The following MIB1 variants were observed in gnomAD, a reference collection of about 807,000 sequenced individuals.
MIB1 encodes MIB E3 ubiquitin protein ligase 1.
Under a neutral mutation model 124.5 loss-of-function variants are expected in MIB1, and 278 were observed. The ratio of observed to expected loss-of-function variants is 2.23; its 90% CI spans 2.02 to 2.47. The LOEUF (loss-of-function observed/expected upper bound fraction) is 2.47, where lower values mean the gene tolerates loss of function less well. Ranked by LOEUF, MIB1 falls within the 30% of genes most tolerant of loss-of-function variation. The pLI is 0.00. For synonymous variants in MIB1, 446 were observed against 429.4 expected, an observed-to-expected ratio of 1.04 and a Z score of -0.48; for missense variants, 957 against 1,254.4, an observed-to-expected ratio of 0.76 and a Z score of 3.58.
At chr18:21,711,755 GTGATT>G (rs2040666598) in intron 1 of MIB1, among the ~76,000 whole-genome samples, 1 of 152,148 alleles carries the variant, frequency 6.6e-6, no homozygotes, top group Non-Finnish European at 1.5e-5. Context: ...ATGCCATGGT[GTGATT>G]ATGGCTTACT....
rs548144200 is a variant in MIB1, at chr18:21,860,795, CATGCTG to C, written c.2880+2151_2880+2156del. On this transcript the variant is annotated intron_variant, in intron 20 of 20. Coordinates refer to ENST00000261537, the MANE Select transcript of MIB1 (RefSeq NM_020774.4). The stretch of plus-strand genomic sequence containing the variant: ...TGTACCTGTAATCCCAGCTGCTCAG[CATGCTG>C]AGCTGGGAGAATTGCTTGAGCCCAG... Among the ~76,000 whole-genome samples the C allele has an allele frequency of 2.6e-3, 402 of 152,230 alleles. 2 individuals are homozygous for C. Among genetic ancestry groups the C allele is most frequent in the Non-Finnish European group, 3.6e-3 (247 of 68,010 alleles).
At chr18:21,745,622 T>G (rs2040902565) in intron 1 of MIB1, among the ~76,000 whole-genome samples, 1 of 152,050 alleles carries the variant, frequency 6.6e-6, no homozygotes. Flanking sequence ...CATTTAAGTA[T>G]TTTGGTAATG....
In MIB1 at chr18:21,724,726, AAATATATATATATATATATATAT is replaced by A. The variant is rs1280093217; in HGVS notation, n.167+19605_167+19627del. On this transcript the variant is annotated intron_variant and non_coding_transcript_variant, in intron 1 of 20. Coordinates refer to the MIB1 transcript ENST00000578646. ...TCTCCCCCATCCAAAAAAAAAAAAA[AAATATATATATATATATATATAT>A]ATATATATATATATATATATATATT... 2.6e-4 allele frequency among the ~76,000 whole-genome samples: 14 copies of A among 52,846 alleles called. 1 individual carries two copies. The highest frequency in any genetic ancestry group is 6.8e-4 in the African/African-American group (9 of 13,188). The allele number at this position is 52,846 out of a possible 152,430, so 34.7% of individuals were successfully genotyped here. A position where few individuals can be genotyped will look rare whatever the true frequency, so the allele number is the denominator to read the frequency against.
chr18:21,803,827 C>T (rs2041675713), intron 9 of MIB1, 80 bp from the exon 10 acceptor site: 1 of 1,042,892 alleles, frequency 9.6e-7, no homozygotes, highest in African/African-American at 1.6e-5. Context: ...GTATACTAGA[C>T]TTAAACCTAC....
chr18:21,796,403 C>T (rs371346480), intron 7 of MIB1, among the ~76,000 whole-genome samples: 4 of 149,238 alleles, frequency 2.7e-5, no homozygotes, highest in Admixed American at 1.3e-4. Context: ...GGGTGGGGGG[C>T]AAGGGGAGGG....
intron 7 of MIB1, among the ~76,000 whole-genome samples, chr18:21,792,351 T>C (rs1462185823): frequency 6.6e-6 from 1 of 152,078 alleles, no homozygotes; most frequent in African/African-American, 2.4e-5. Flanking sequence ...CTTAGTATCC[T>C]ATTACCCCCA....
At chr18:21,742,342 C>T (rs576502217) in intron 1 of MIB1, among the ~76,000 whole-genome samples, 18 of 147,954 alleles carry the variant, frequency 1.2e-4, no homozygotes, top group Middle Eastern at 3.5e-3. Context: ...CCAAATGTTA[C>T]TTGGGACTCT....
rs754140187 is a variant in MIB1, at chr18:21,838,416, G to A, written c.1881G>A (p.Glu627=). The A allele has an allele frequency of 8.1e-6, 13 of 1,610,040 alleles. No homozygotes were observed. The African/African-American group carries it at 1.7e-4, about 22-fold the overall frequency. Residue 627 remains glutamate (E), a synonymous_variant, in exon 13 of 21, where the codon GAG becomes GAA. Transcript: ENST00000261537. The part of the protein sequence containing the change: ...SKLPRPWIVD[E]KKDDGYTALH... ...TACCAAGACCATGGATTGTGGATGA[G>A]AAGAAAGATGATGGTTATACTGCCT...
chr18:21,815,694 A>G lies in MIB1; in HGVS notation c.1558A>G (p.Ser520Gly). 6.2e-7 allele frequency: 1 copy of G among 1,614,178 alleles called. No homozygotes were observed. The highest frequency in any genetic ancestry group is 2.2e-5 in the East Asian group (1 of 44,880). ...GAVIEVLHRG[S>G]ADLNARNKRR... ...TGTTATAGAAGTACTACATCGAGGTAGTGCTGATTTGAATGCTCGAAACAA... is the reference window on the plus strand; with the variant it reads ...TGTTATAGAAGTACTACATCGAGGTGGTGCTGATTTGAATGCTCGAAACAA... Residue 520 changes from serine (S) to glycine (G), a missense_variant, in exon 11 of 21, where the codon AGT (serine) becomes GGT (glycine). Physicochemically the swap from Ser to Gly is moderately conservative, Grantham distance 56. Transcript: ENST00000261537.
intron 13 of MIB1, among the ~76,000 whole-genome samples, chr18:21,842,704 A>G (rs182551314): frequency 6.6e-6 from 1 of 152,350 alleles, no homozygotes; most frequent in African/African-American, 2.4e-5. Flanking sequence ...ATATGCAGCA[A>G]GGGGAAGTGA....
chr18:21,829,060 A>T, intron 12 of MIB1: 1 of 481,072 alleles, frequency 2.1e-6, no homozygotes, highest in Non-Finnish European at 4.3e-6. Flanking sequence ...TCATATGGGT[A>T]CATAAAGAAG....
At chr18:21,816,360 A>G (rs2146475567) in intron 11 of MIB1, among the ~76,000 whole-genome samples, 1 of 152,256 alleles carries the variant, frequency 6.6e-6, no homozygotes, top group South Asian at 2.1e-4. Context: ...TAAACCACAA[A>G]TATATAGAAA....
intron 13 of MIB1, among the ~76,000 whole-genome samples, chr18:21,841,810 G>A (rs901071324): frequency 6.6e-6 from 1 of 152,062 alleles, no homozygotes. Flanking sequence ...TACTGGAAGC[G>A]AAGCCAAATG....
intron 19 of MIB1, 89 bp downstream of exon 19, chr18:21,857,332 T>G: frequency 1.3e-6 from 1 of 772,080 alleles, no homozygotes. Flanking sequence ...CACTACTGCC[T>G]TATAAAACCT....
intron 1 of MIB1, among the ~76,000 whole-genome samples, chr18:21,743,628 C>T (rs1235929030): frequency 6.6e-6 from 1 of 151,952 alleles, no homozygotes; most frequent in Admixed American, 6.6e-5. Context: ...TAATTTCTGC[C>T]TACTCTTTTT....
intron 1 of MIB1, among the ~76,000 whole-genome samples, chr18:21,762,322 C>G (rs1244050027): frequency 6.6e-6 from 1 of 152,142 alleles, no homozygotes; most frequent in Admixed American, 6.5e-5. Flanking sequence ...AAAAAGTTAA[C>G]ATAACCAGTG....
At chr18:21,784,896 G>A (rs1259248190) in intron 6 of MIB1, among the ~76,000 whole-genome samples, 1 of 152,114 alleles carries the variant, frequency 6.6e-6, no homozygotes, top group Non-Finnish European at 1.5e-5. Context: ...AGGCCCGCCC[G>A]CAGCCATCCG....
chr18:21,740,083 T>G (rs1200660629), upstream of MIB1, among the ~76,000 whole-genome samples: 1 of 152,194 alleles, frequency 6.6e-6, no homozygotes, highest in African/African-American at 2.4e-5. Context: ...AGCAACAGTT[T>G]ATGCTAACAA....
intron 10 of MIB1, among the ~76,000 whole-genome samples, chr18:21,810,379 A>G (rs982469648): frequency 3.3e-5 from 5 of 152,094 alleles, no homozygotes; most frequent in Non-Finnish European, 7.4e-5. Context: ...TTGCAGAAAT[A>G]GAAAAATCTA....
Sources: gnomAD v4.1 joint callset for allele counts (sites outside exome capture counted in the v4.1 genomes callset) on GRCh38, gnomAD v4.1.1 for gene constraint, MANE v1.5 for transcripts, NCBI Gene and HGNC (gene_info 2026-07-23, HGNC 2026-07-21) for gene names.